Variants in CCDC171 observed in about 807,000 individuals in gnomAD.
CCDC171 encodes coiled-coil domain containing 171, also known as coiled-coil domain-containing protein 171.
In CCDC171, 177 loss-of-function variants were observed where a neutral mutation model predicts 168.2. The ratio of observed to expected loss-of-function variants is 1.05; its 90% CI spans 0.93 to 1.19. The LOEUF is 1.19. CCDC171 is among the 50% of genes most tolerant of loss of function. The pLI is 0.00. For missense variants in CCDC171, 1,991 were observed against 1,539.0 expected (o/e 1.29, Z -4.91); for synonymous variants, 687 against 540.8 (o/e 1.27, Z -3.75).
At chr9:15,588,767 G>A (rs2041772958) in intron 4 of CCDC171, among the ~76,000 whole-genome samples, 1 of 149,088 alleles carries the variant, frequency 6.7e-6, no homozygotes, top group Non-Finnish European at 1.5e-5. Flanking sequence ...GAGTGCAGTG[G>A]CACGACCTCG....
intron 21 of CCDC171, among the ~76,000 whole-genome samples, chr9:15,793,610 C>G (rs1337064573): frequency 8.5e-6 from 1 of 117,686 alleles, no homozygotes; most frequent in Non-Finnish European, 1.6e-5. Flanking sequence ...TTCCCAGTGG[C>G]TGGATCTCAA....
intron 23 of CCDC171, among the ~76,000 whole-genome samples, chr9:15,868,496 T>TGAGA (rs772114649): frequency 0.026 from 1,786 of 67,452 alleles, 17 homozygotes; most frequent in African/African-American, 0.041. Flanking sequence ...CGTGTGTGTG[T>TGAGA]GTGAGAGAGA....
intron 8 of CCDC171, among the ~76,000 whole-genome samples, chr9:15,659,531 A>G (rs1456335135): frequency 6.6e-6 from 1 of 152,218 alleles, no homozygotes; most frequent in Non-Finnish European, 1.5e-5. Context: ...GATTCTCAGT[A>G]TAAACTGTTA....
At chr9:15,917,105 C>G in intron 24 of CCDC171, among the ~76,000 whole-genome samples, 1 of 151,894 alleles carries the variant, frequency 6.6e-6, no homozygotes, top group South Asian at 2.1e-4. Flanking sequence ...CAACTTGACA[C>G]CTTTCTTTTG....
chr9:15,810,415 G>C (rs1336233516), intron 21 of CCDC171, among the ~76,000 whole-genome samples: 4 of 151,288 alleles, frequency 2.6e-5, no homozygotes, highest in Admixed American at 2.6e-4. Context: ...CAGCCCTTGG[G>C]AGGTAAATGG....
chr9:16,089,814 A>G, the CCDC171 span, among the ~76,000 whole-genome samples: 3 of 152,214 alleles, frequency 2.0e-5, no homozygotes, highest in Non-Finnish European at 4.4e-5. Context: ...CTCAAGAAAC[A>G]TGAAAAAAAG....
intron 21 of CCDC171, among the ~76,000 whole-genome samples, chr9:15,814,200 C>A (rs1470763466): frequency 2.0e-5 from 3 of 152,200 alleles, no homozygotes; most frequent in Non-Finnish European, 2.9e-5. Context: ...TAGCTAGTAC[C>A]AGCCTCGGGC....
intron 18 of CCDC171, among the ~76,000 whole-genome samples, chr9:15,755,799 T>G (rs1473420826): frequency 6.6e-6 from 1 of 152,100 alleles, no homozygotes; most frequent in Admixed American, 6.6e-5. Flanking sequence ...GAGTGAGGGT[T>G]AAGGGAGTAT....
intron 3 of CCDC171, among the ~76,000 whole-genome samples, chr9:15,985,475 G>A (rs1013878889): frequency 5.9e-5 from 9 of 152,124 alleles, no homozygotes; most frequent in African/African-American, 1.9e-4. Context: ...TGGTAGCTAG[G>A]CTTTGTGCAA....
the CCDC171 span, among the ~76,000 whole-genome samples, chr9:16,087,427 A>C: frequency 1.3e-5 from 2 of 152,142 alleles, no homozygotes; most frequent in Admixed American, 6.6e-5. Flanking sequence ...ATTGGCTGCA[A>C]ATATATTTAG....
chr9:15,782,969 A>G (rs916868222), intron 20 of CCDC171, among the ~76,000 whole-genome samples: 4 of 152,128 alleles, frequency 2.6e-5, no homozygotes, highest in Non-Finnish European at 4.4e-5. Context: ...ATTAATTTAT[A>G]TTAACTTAGG....
chr9:15,829,348 G>T (rs941741104), intron 21 of CCDC171, among the ~76,000 whole-genome samples: 2 of 152,108 alleles, frequency 1.3e-5, no homozygotes, highest in African/African-American at 4.8e-5. Flanking sequence ...CTTGAGGGAA[G>T]ATGATGGCCA....
At chr9:15,723,218 T>C (rs2053598528) in intron 12 of CCDC171, among the ~76,000 whole-genome samples, 1 of 152,176 alleles carries the variant, frequency 6.6e-6, no homozygotes, top group African/African-American at 2.4e-5. Flanking sequence ...TAGGACTGCA[T>C]GTGACCGACC....
chr9:15,918,735 A>C (rs1824894129), intron 24 of CCDC171, among the ~76,000 whole-genome samples: 1 of 151,592 alleles, frequency 6.6e-6, no homozygotes, highest in African/African-American at 2.4e-5. Context: ...TTTTATGCCT[A>C]GCCTATAGTT....
chr9:15,711,263 G>C (rs1004434666), intron 11 of CCDC171, among the ~76,000 whole-genome samples: 3 of 152,112 alleles, frequency 2.0e-5, no homozygotes, highest in Admixed American at 2.0e-4. Flanking sequence ...CTTGATTAAG[G>C]CTTGGCCTCT....
the CCDC171 span, among the ~76,000 whole-genome samples, chr9:16,094,947 T>TTCTCATGAGATCTGGTTGTTTAAGTGGG: frequency 6.6e-6 from 1 of 152,092 alleles, no homozygotes; most frequent in South Asian, 2.1e-4. Context: ...GGTGAGCAAG[T>TTCTCATGAGATCTGGTTGTTTAAGTGGG]TCTCATGAGA....
Position 15,564,138 on chromosome 9 carries a change from C to T in CCDC171, c.41+9C>T. ...ACTGGTGATACCCAAAGGTAAGCCT[C>T]TAGTCTCTTCTTTTAGTTGATGAAC... On this transcript the variant is annotated intron_variant, in intron 2 of 25. Coordinates refer to ENST00000380701, the MANE Select transcript of CCDC171 (RefSeq NM_173550.4). 3 of 1,599,188 alleles carry T rather than the reference C, an allele frequency of 1.9e-6. No individual in the cohort carries two copies. Among genetic ancestry groups the T allele is most frequent in the Middle Eastern group, 1.7e-4 (1 of 6,024 alleles).
chr9:15,962,558 A>G (rs1046257488), intron 25 of CCDC171, among the ~76,000 whole-genome samples: 3 of 152,030 alleles, frequency 2.0e-5, no homozygotes, highest in African/African-American at 7.2e-5. Context: ...GTAATATTTA[A>G]TTTTTACTGG....
chr9:15,689,873 T>C (rs2050667449), intron 10 of CCDC171, among the ~76,000 whole-genome samples: 1 of 152,166 alleles, frequency 6.6e-6, no homozygotes, highest in Admixed American at 6.5e-5. Flanking sequence ...TGGACCAGAA[T>C]TGAGAATCTA....
Sources: allele counts gnomAD v4.1 joint callset (sites outside exome capture counted in the v4.1 genomes callset), GRCh38; gene constraint gnomAD v4.1.1; transcripts MANE v1.5; gene names NCBI Gene and HGNC (gene_info 2026-07-23, HGNC 2026-07-21).